VPS41: variants seen among roughly 807,000 people sequenced by gnomAD.
VPS41 encodes the protein VPS41 subunit of HOPS complex, also known as vacuolar protein sorting-associated protein 41 homolog.
A neutral mutation model predicts 130.9 loss-of-function variants in VPS41; 85 were observed. That is an observed-to-expected ratio of 0.65 (90% confidence interval 0.55 to 0.78). VPS41 has a LOEUF of 0.78. Ranked by LOEUF, VPS41 falls within the 30% of genes least tolerant of loss-of-function variation. VPS41 has a pLI of 0.00. For synonymous variants in VPS41, 335 were observed against 332.9 expected, an observed-to-expected ratio of 1.01 and a Z score of -0.07; for missense variants, 874 against 1,018.7, an observed-to-expected ratio of 0.86 and a Z score of 1.93.
chr7:38,790,607 G>A (rs1366255040), intron 9 of VPS41, among the ~76,000 whole-genome samples: 2 of 152,172 alleles, frequency 1.3e-5, no homozygotes, highest in East Asian at 3.9e-4. Flanking sequence ...ATTGTATCAG[G>A]TGTTATAAGT....
Position 38,724,638 on chromosome 7 carries a change from G to T in VPS41, c.*1608C>A. 6.9e-6 allele frequency: 1 copy of T among 144,592 alleles called. No homozygotes were observed. The highest frequency in any genetic ancestry group is 1.5e-5 in the Non-Finnish European group (1 of 68,598). The allele number at this position is 144,592 out of a possible 1,614,324, so 9.0% of individuals were successfully genotyped here. On this transcript the variant is annotated 3_prime_UTR_variant, in exon 29 of 29. Coordinates refer to ENST00000310301, the MANE Select transcript of VPS41 (RefSeq NM_014396.4). The stretch of plus-strand genomic sequence containing the variant: ...GACGGAGTTTTGCTCTTGTTGCCCA[G>T]GCTGGAGTGCAATGGCGCGATCTCA...
chr7:38,815,127 T>C (rs959180371), intron 7 of VPS41, among the ~76,000 whole-genome samples: 2 of 152,100 alleles, frequency 1.3e-5, no homozygotes, highest in Admixed American at 1.3e-4. Context: ...TTAAATAAAA[T>C]GTAATTCTTT....
chr7:38,859,844 G>A (rs1334807873), intron 4 of VPS41, among the ~76,000 whole-genome samples: 1 of 152,166 alleles, frequency 6.6e-6, no homozygotes, highest in Admixed American at 6.5e-5. Flanking sequence ...CTGAAGTCAC[G>A]TTATTTTACT....
At chr7:38,876,664 A>C (rs535640712) in intron 2 of VPS41, among the ~76,000 whole-genome samples, 2 of 148,944 alleles carry the variant, frequency 1.3e-5, no homozygotes, top group Admixed American at 6.7e-5. Flanking sequence ...TATCTCTCAA[A>C]GCTGCTTTGC....
intron 25 of VPS41, among the ~76,000 whole-genome samples, chr7:38,731,907 C>T (rs1208898740): frequency 6.6e-6 from 1 of 152,166 alleles, no homozygotes; most frequent in Admixed American, 6.5e-5. Flanking sequence ...ACACAGCTGA[C>T]ACTTTCTTGC....
intron 14 of VPS41, among the ~76,000 whole-genome samples, chr7:38,770,787 T>C (rs1173658716): frequency 1.3e-5 from 2 of 152,214 alleles, no homozygotes; most frequent in Non-Finnish European, 2.9e-5. Flanking sequence ...ATGTATTTGA[T>C]GCTCTAGATT....
chr7:38,863,282 G>A (rs983486898), intron 3 of VPS41, among the ~76,000 whole-genome samples: 2 of 152,102 alleles, frequency 1.3e-5, no homozygotes, highest in Non-Finnish European at 2.9e-5. Flanking sequence ...TTAATTCTCT[G>A]AACTAACCTT....
chr7:38,765,779 G>T (rs1425718410), intron 15 of VPS41, 118 bp from the exon 16 acceptor site: 1 of 623,806 alleles, frequency 1.6e-6, no homozygotes, highest in Non-Finnish European at 2.7e-6. Flanking sequence ...TCTTCTCAGA[G>T]TTTTGATGAA....
chr7:38,844,828 A>G (rs1406798384), intron 4 of VPS41, among the ~76,000 whole-genome samples: 1 of 152,022 alleles, frequency 6.6e-6, no homozygotes, highest in Admixed American at 6.6e-5. Context: ...ACTTCATTTG[A>G]CCCCTAAAAC....
At chr7:38,874,591 G>A (rs1786447516) in intron 2 of VPS41, among the ~76,000 whole-genome samples, 1 of 152,082 alleles carries the variant, frequency 6.6e-6, no homozygotes, top group South Asian at 2.1e-4. Context: ...CTGACTAGGG[G>A]CAAATCCTTT....
intron 7 of VPS41, among the ~76,000 whole-genome samples, chr7:38,802,265 G>T (rs1294277229): frequency 6.6e-6 from 1 of 152,174 alleles, no homozygotes; most frequent in Non-Finnish European, 1.5e-5. Context: ...AGGCTCTCTG[G>T]ATTGCCACAG....
intron 14 of VPS41, among the ~76,000 whole-genome samples, chr7:38,770,046 G>A (rs1025047942): frequency 2.0e-5 from 3 of 152,118 alleles, no homozygotes; most frequent in Admixed American, 6.5e-5. Flanking sequence ...GAGGCAAGCC[G>A]ATCACCTGAG....
chr7:38,850,423 G>T (rs1423285616), intron 4 of VPS41, among the ~76,000 whole-genome samples: 1 of 152,202 alleles, frequency 6.6e-6, no homozygotes, highest in African/African-American at 2.4e-5. Context: ...CCTTATGTAG[G>T]TAACATTTTA....
chr7:38,788,391 TA>T (rs1784476174), intron 10 of VPS41, among the ~76,000 whole-genome samples: 1 of 152,192 alleles, frequency 6.6e-6, no homozygotes, highest in Non-Finnish European at 1.5e-5. Flanking sequence ...AAAAGCAAAC[TA>T]CCTGCACTTA....
At chr7:38,884,747 T>C (rs993977814) in intron 2 of VPS41, among the ~76,000 whole-genome samples, 2 of 152,194 alleles carry the variant, frequency 1.3e-5, no homozygotes, top group African/African-American at 2.4e-5. Context: ...GAACAAACTA[T>C]AGGCAGAATA....
intron 11 of VPS41, chr7:38,775,708 G>C (rs1269306355): frequency 6.6e-6 from 1 of 152,024 alleles, no homozygotes; most frequent in Non-Finnish European, 1.5e-5. Context: ...AGAGCTTCAG[G>C]TTACTATAGT....
intron 1 of VPS41, among the ~76,000 whole-genome samples, chr7:38,902,925 T>C (rs1199717216): frequency 6.6e-6 from 1 of 152,222 alleles, no homozygotes; most frequent in Admixed American, 6.5e-5. Flanking sequence ...ATTTTAAATA[T>C]GCTGTGGATA....
chr7:38,902,851 T>C (rs1011536573), intron 1 of VPS41, among the ~76,000 whole-genome samples: 3 of 152,238 alleles, frequency 2.0e-5, no homozygotes, highest in Non-Finnish European at 4.4e-5. Flanking sequence ...AGCTTGGTTT[T>C]TACGTTTCTT....
intron 1 of VPS41, among the ~76,000 whole-genome samples, chr7:38,899,098 T>G (rs573480707): frequency 6.6e-6 from 1 of 152,366 alleles, no homozygotes; most frequent in South Asian, 2.1e-4. Context: ...AAAATCATTT[T>G]AATTTCATTC....
Sources: gnomAD v4.1 joint callset for allele counts (sites outside exome capture counted in the v4.1 genomes callset) on GRCh38, gnomAD v4.1.1 for gene constraint, MANE v1.5 for transcripts, NCBI Gene and HGNC (gene_info 2026-07-23, HGNC 2026-07-21) for gene names.